OTOF: variants seen among roughly 807,000 people sequenced by gnomAD.
The protein encoded by OTOF is otoferlin.
A neutral mutation model predicts 236.8 loss-of-function variants in OTOF; 218 were observed. That is an observed-to-expected ratio of 0.92 (90% CI 0.82 to 1.03). The LOEUF (loss-of-function observed/expected upper bound fraction) is 1.03, where lower values mean the gene tolerates loss of function less well. OTOF is among the 50% of genes least tolerant of loss of function. OTOF has a pLI of 0.00. For missense variants in OTOF, 2,590 were observed against 2,694.4 expected, an observed-to-expected ratio of 0.96 and a Z score of 0.86; for synonymous variants, 1,041 against 1,072.5, an observed-to-expected ratio of 0.97 and a Z score of 0.57.
Position 26,470,655 on chromosome 2 carries a change from G to C in OTOF, c.3961C>G (p.Pro1321Ala), listed in dbSNP as rs755265887. The change falls in exon 32 of 47, where the codon CCA becomes GCA. Residue 1321 changes from proline to alanine, a missense_variant. Physicochemically the swap from Pro to Ala is conservative, Grantham distance 27 (BLOSUM62 -1). Around this residue, in one of 2 missense-constraint regions of OTOF, gnomAD observed 1,211 missense variants for 1,352.8 expected, o/e 0.90. Transcript: ENST00000272371. The surrounding 1 kb of genome is among the most constrained non-coding windows in gnomAD (Gnocchi z 4.3). The part of the protein sequence containing the change: ...GTAEEPEEEE[P>A]DESMLDWWSK... The stretch of plus-strand genomic sequence containing the variant: ...CACCAGTCCAGCATGCTCTCGTCTG[G>C]CTCCTCCTCCTCTGGCTCCTCCGCA... 3.7e-6 allele frequency: 6 copies of C among 1,613,866 alleles called. No homozygotes were observed. Among genetic ancestry groups the C allele is most frequent in the Non-Finnish European group, 5.1e-6 (6 of 1,179,984 alleles).
chr2:26,477,864 G>C lies in OTOF; in HGVS notation c.2215-115C>G, dbSNP rs1358173944. ...GGGACCTCATGATCTGGGAGCTCTC[G>C]CTAGGGCCATCCTGAGTATCGGTCA... On this transcript the variant is annotated intron_variant, in intron 18 of 46. Coordinates refer to ENST00000272371, the MANE Select transcript of OTOF (RefSeq NM_194248.3). This position sits in a 1 kb window ranked among gnomAD's most constrained non-coding sequence, Gnocchi z 4.7. The C allele has an allele frequency of 1.9e-6, 3 of 1,555,024 alleles. No individual in the cohort carries two copies. The highest frequency in any genetic ancestry group is 2.4e-5 in the South Asian group (2 of 84,796).
intron 2 of OTOF, among the ~76,000 whole-genome samples, chr2:26,529,559 A>T (rs1468151226): frequency 6.6e-6 from 1 of 151,930 alleles, no homozygotes; most frequent in Non-Finnish European, 1.5e-5. Flanking sequence ...CCTCGGGAGG[A>T]GGCTTCTGTG....
At position 26,460,295 on chromosome 2, in the gene OTOF, T is replaced by A. The variant is rs1011666677; in HGVS notation, c.5814-90A>T. On this transcript the variant is annotated intron_variant, in intron 45 of 46. Coordinates refer to ENST00000272371, the MANE Select transcript of OTOF (RefSeq NM_194248.3). The surrounding 1 kb of genome is among the most constrained non-coding windows in gnomAD (Gnocchi z 5.3). ...GGGGCCAAGACCAAGAGGGAAGCTG[T>A]CCTGGGCTGTGTGTGCAGTTCTAGG... 1.8e-6 allele frequency: 2 copies of A among 1,093,048 alleles called. No individual in the cohort carries two copies. Among genetic ancestry groups the A allele is most frequent in the Non-Finnish European group, 2.7e-6 (2 of 733,262 alleles). 67.7% of individuals were successfully genotyped at this position (1,093,048 alleles called of 1,614,324 possible). A position where few individuals can be genotyped will look rare whatever the true frequency, so the allele number is the denominator to read the frequency against.
At chr2:26,465,911 G>T in intron 37 of OTOF, 38 bp downstream of exon 37, 1 of 1,614,238 alleles carries the variant, frequency 6.2e-7, no homozygotes, top group Non-Finnish European at 8.5e-7. Flanking sequence ...GGTTGGAGAA[G>T]TAGGGGTGTG....
In OTOF at chr2:26,460,993, GC is replaced by G; in HGVS notation, c.5570del (p.Gly1857AlafsTer58). On this transcript the variant is annotated frameshift_variant, in exon 44 of 47. Coordinates refer to ENST00000272371, the MANE Select transcript of OTOF (RefSeq NM_194248.3). LOFTEE classifies it high-confidence loss of function. The surrounding 1 kb of genome is among the most constrained non-coding windows in gnomAD (Gnocchi z 5.3). ...TGGTGCACTGCTTGGCTGTCTTTGCGCCCCGCGGGAACCGGTTCAGGTCCAG... is the reference window on the plus strand; with the variant it reads ...TGGTGCACTGCTTGGCTGTCTTTGCGCCCGCGGGAACCGGTTCAGGTCCAG... ...IELDLNRFPR[G>X]AKTAKQCTME... 6.7e-7 allele frequency: 1 copy of G among 1,487,628 alleles called. No homozygotes were observed. 92.2% of individuals were successfully genotyped at this position (1,487,628 alleles called of 1,614,324 possible).
chr2:26,471,956 AC>A (rs1376398708), intron 30 of OTOF, among the ~76,000 whole-genome samples: 2 of 152,088 alleles, frequency 1.3e-5, no homozygotes, highest in East Asian at 1.9e-4. Context: ...CACACTGCAC[AC>A]ATGCACATAT....
At chr2:26,539,667 G>A (rs889570116) in intron 1 of OTOF, among the ~76,000 whole-genome samples, 10 of 152,138 alleles carry the variant, frequency 6.6e-5, no homozygotes, top group Non-Finnish European at 1.3e-4. Flanking sequence ...CCCAGGAGGC[G>A]GAGGTTGTGG....
chr2:26,494,657 G>GGGC (rs1665932354), intron 9 of OTOF, among the ~76,000 whole-genome samples: 1 of 47,948 alleles, frequency 2.1e-5, no homozygotes, highest in East Asian at 1.4e-3. Flanking sequence ...GGAGTGGGGT[G>GGGC]GGGGGGGGTT....
At position 26,518,957 on chromosome 2, in the gene OTOF, C is replaced by G. The variant is rs927213045; in HGVS notation, c.327+53G>C. On this transcript the variant is annotated intron_variant, in intron 4 of 46. Coordinates refer to ENST00000272371, the MANE Select transcript of OTOF (RefSeq NM_194248.3). Reference sequence around the variant, plus strand: ...CCATGTGTGAGGCAGGGAGAACAGACCCCCAGATGGCCCCATATGGGAAAG... The same window carrying G: ...CCATGTGTGAGGCAGGGAGAACAGAGCCCCAGATGGCCCCATATGGGAAAG... 3 of 1,259,110 alleles carry G rather than the reference C, an allele frequency of 2.4e-6. No homozygotes were observed. The Admixed American group carries it at 5.6e-5, about 24-fold the overall frequency. The allele number at this position is 1,259,110 out of a possible 1,614,324, so 78.0% of individuals were successfully genotyped here.
intron 3 of OTOF, among the ~76,000 whole-genome samples, chr2:26,522,250 T>C (rs1436824281): frequency 6.6e-6 from 1 of 152,250 alleles, no homozygotes; most frequent in East Asian, 1.9e-4. Flanking sequence ...CAATTGATAT[T>C]ATCTCAGCCT....
chr2:26,519,220 C>G (rs907580128), intron 3 of OTOF, 111 bp from the exon 4 acceptor site: 1 of 762,934 alleles, frequency 1.3e-6, no homozygotes, highest in African/African-American at 1.7e-5. Context: ...TGGGCTTGCT[C>G]CAGCTCTGGG....
Position 26,461,593 on chromosome 2 carries a change from C to T in OTOF, c.5533+103G>A, listed in dbSNP as rs1572400611. On this transcript the variant is annotated intron_variant, in intron 43 of 46. Coordinates refer to ENST00000272371, the MANE Select transcript of OTOF (RefSeq NM_194248.3). The surrounding 1 kb of genome is among the most constrained non-coding windows in gnomAD (Gnocchi z 6.2). ...GGCTCTGATGGACTGGAAGCAATGA[C>T]CCCTTGTCCCCCCAAGGCAGGGCTC... The T allele has an allele frequency of 4.7e-6, 7 of 1,502,808 alleles. No individual in the cohort carries two copies. The highest frequency in any genetic ancestry group is 4.6e-5 in the South Asian group (4 of 87,410). 93.1% of individuals were successfully genotyped at this position (1,502,808 alleles called of 1,614,324 possible).
At chr2:26,537,495 A>G (rs1205827765) in intron 2 of OTOF, among the ~76,000 whole-genome samples, 1 of 152,136 alleles carries the variant, frequency 6.6e-6, no homozygotes, top group African/African-American at 2.4e-5. Context: ...TCATTTGCAC[A>G]CGGGCCTCAC....
In OTOF at chr2:26,472,075, C is replaced by T. The variant is rs575645483; in HGVS notation, c.3864+444G>A. ...TGCTCATACCACATGCATGCATGCA[C>T]GTGCATATGAACATACACCACACAT... On this transcript the variant is annotated intron_variant, in intron 30 of 46. Coordinates refer to ENST00000272371, the MANE Select transcript of OTOF (RefSeq NM_194248.3). Among the ~76,000 whole-genome samples, 8 of 151,996 alleles carry T rather than the reference C, an allele frequency of 5.3e-5. No homozygotes were observed. In the East Asian group the frequency reaches 5.8e-4, roughly 11 times the overall value.
chr2:26,529,463 G>A (rs1323278549), intron 2 of OTOF, among the ~76,000 whole-genome samples: 2 of 152,176 alleles, frequency 1.3e-5, no homozygotes, highest in East Asian at 1.9e-4. Flanking sequence ...GGAGAGGTGG[G>A]TAATGGCTTC....
chr2:26,543,957 G>A (rs974505533), intron 1 of OTOF, among the ~76,000 whole-genome samples: 1 of 152,222 alleles, frequency 6.6e-6, no homozygotes. Context: ...CTGACTTTAA[G>A]TGATCCTCCT....
chr2:26,495,154 G>T, intron 8 of OTOF, 81 bp from the exon 9 acceptor site: 2 of 1,532,588 alleles, frequency 1.3e-6, no homozygotes, highest in Non-Finnish European at 1.8e-6. Flanking sequence ...AGGGGCTGGG[G>T]CAGCAGGGTC....
At chr2:26,481,157 T>C in intron 14 of OTOF, 148 bp from the exon 15 acceptor site, 1 of 654,162 alleles carries the variant, frequency 1.5e-6, no homozygotes, top group African/African-American at 1.8e-5. Flanking sequence ...GGCAGCCTTC[T>C]TACACTGCGC....
intron 25 of OTOF, 105 bp downstream of exon 25, chr2:26,475,254 G>T: frequency 7.7e-7 from 1 of 1,300,166 alleles, no homozygotes; most frequent in Non-Finnish European, 1.1e-6. Flanking sequence ...GAGCTCTGCA[G>T]GTGGGTGGCG....
Sources: allele counts gnomAD v4.1 joint callset (sites outside exome capture counted in the v4.1 genomes callset), GRCh38; gene constraint gnomAD v4.1.1; regional missense constraint gnomAD v4.1.1; non-coding constraint Gnocchi (gnomAD v3.1); transcripts MANE v1.5; gene names NCBI Gene and HGNC (gene_info 2026-07-23, HGNC 2026-07-21).